DAB1: variants seen among roughly 807,000 people sequenced by gnomAD.
DAB1 encodes DAB adaptor protein 1.
Under a neutral mutation model 64.6 loss-of-function variants are expected in DAB1, and 15 were observed. The observed-to-expected ratio is 0.23, with a 90% CI of 0.16 to 0.36. The LOEUF (loss-of-function observed/expected upper bound fraction) is 0.36, where lower values mean the gene tolerates loss of function less well. Ranked by LOEUF, DAB1 falls within the 10% of genes least tolerant of loss-of-function variation. The pLI, the probability that DAB1 is intolerant of heterozygous loss-of-function variation, is 1.00. For missense variants in DAB1, 596 were observed against 706.7 expected (o/e 0.84, Z 1.78); for synonymous variants, 235 against 251.9 (o/e 0.93, Z 0.64).
At chr1:57,914,385 T>C (rs192729196) in intron 5 of DAB1, among the ~76,000 whole-genome samples, 60 of 132,588 alleles carry the variant, frequency 4.5e-4, no homozygotes, top group African/African-American at 1.6e-3. Flanking sequence ...GGTGAACATT[T>C]GGACACAGGA....
intron 2 of DAB1, among the ~76,000 whole-genome samples, chr1:57,266,986 G>C (rs1184205172): frequency 1.3e-5 from 2 of 152,046 alleles, no homozygotes; most frequent in Non-Finnish European, 2.9e-5. Flanking sequence ...GCTAAATGGT[G>C]GTCCCAAAAA....
At chr1:57,334,196 T>G (rs1676903406) in intron 1 of DAB1, among the ~76,000 whole-genome samples, 3 of 152,314 alleles carry the variant, frequency 2.0e-5, no homozygotes, top group Admixed American at 2.0e-4. Context: ...AAAAGGCCTG[T>G]AATGCTCACG....
chr1:57,008,623 C>A (rs1039890428), intron 14 of DAB1, among the ~76,000 whole-genome samples: 1 of 152,140 alleles, frequency 6.6e-6, no homozygotes, highest in Non-Finnish European at 1.5e-5. Context: ...TATAAAATCA[C>A]AGCAGTGTCA....
intron 4 of DAB1, among the ~76,000 whole-genome samples, chr1:58,276,655 C>G (rs562933845): frequency 7.9e-5 from 12 of 152,246 alleles, no homozygotes; most frequent in African/African-American, 2.6e-4. Context: ...TGGACTTTTA[C>G]CTGGAAGGGT....
chr1:57,728,609 C>CAA (rs35688917), intron 6 of DAB1, among the ~76,000 whole-genome samples: 199 of 150,018 alleles, frequency 1.3e-3, no homozygotes, highest in Middle Eastern at 0.011. Flanking sequence ...AAAACAACAA[C>CAA]AAAAAAAAAC....
At chr1:57,677,422 C>T (rs1006104014) in intron 6 of DAB1, among the ~76,000 whole-genome samples, 62 of 152,276 alleles carry the variant, frequency 4.1e-4, no homozygotes, top group Admixed American at 2.5e-3. Context: ...ACAATGACAA[C>T]GTCCTATAGA....
chr1:57,764,103 C>T (rs550191465), intron 6 of DAB1, among the ~76,000 whole-genome samples: 24 of 152,204 alleles, frequency 1.6e-4, no homozygotes, highest in Admixed American at 1.1e-3. Context: ...ACCAAGGGCA[C>T]AAAGCCAGCC....
intron 4 of DAB1, among the ~76,000 whole-genome samples, chr1:58,329,833 T>C (rs1268838951): frequency 6.6e-6 from 1 of 152,204 alleles, no homozygotes; most frequent in Non-Finnish European, 1.5e-5. Context: ...TCCATAAATA[T>C]GCGTATTCTG....
chr1:57,754,217 G>A (rs550628507), intron 6 of DAB1, among the ~76,000 whole-genome samples: 1 of 152,244 alleles, frequency 6.6e-6, no homozygotes, highest in Admixed American at 6.5e-5. Context: ...CTTTTATGCA[G>A]CTACTACATA....
At chr1:58,542,814 C>T (rs1379558166) in intron 1 of DAB1, among the ~76,000 whole-genome samples, 1 of 152,156 alleles carries the variant, frequency 6.6e-6, no homozygotes, top group Non-Finnish European at 1.5e-5. Flanking sequence ...ACATTCATCC[C>T]TAGCAACCCC....
chr1:58,074,558 A>ATATACATATATATGTG (rs1170950120), intron 5 of DAB1: 25 of 57,590 alleles, frequency 4.3e-4, no homozygotes, highest in African/African-American at 1.5e-3. Flanking sequence ...ACATATATAT[A>ATATACATATATATGTG]TGTGTGTATA....
intron 7 of DAB1, among the ~76,000 whole-genome samples, chr1:57,543,414 C>A (rs1644824487): frequency 6.6e-6 from 1 of 152,148 alleles, no homozygotes; most frequent in Non-Finnish European, 1.5e-5. Context: ...GTCCATCCGA[C>A]TCATTAGTAA....
At chr1:57,089,621 A>G (rs1183400279) in intron 4 of DAB1, among the ~76,000 whole-genome samples, 3 of 152,270 alleles carry the variant, frequency 2.0e-5, no homozygotes, top group Non-Finnish European at 2.9e-5. Flanking sequence ...AGATCTTGCA[A>G]GAAATTACTT....
At chr1:57,408,491 G>T (rs1683842174) in intron 1 of DAB1, among the ~76,000 whole-genome samples, 1 of 152,126 alleles carries the variant, frequency 6.6e-6, no homozygotes. Context: ...CACTAAATGA[G>T]TTACCCAAAA....
intron 2 of DAB1, among the ~76,000 whole-genome samples, chr1:57,263,230 C>T (rs1021767549): frequency 6.6e-6 from 1 of 152,060 alleles, no homozygotes; most frequent in African/African-American, 2.4e-5. Flanking sequence ...ATTCTCCTGC[C>T]TCAGTCACCT....
intron 9 of DAB1, among the ~76,000 whole-genome samples, chr1:57,050,196 A>T (rs1467220908): frequency 6.6e-6 from 1 of 152,164 alleles, no homozygotes; most frequent in South Asian, 2.1e-4. Context: ...ACTACCTGGC[A>T]TGGGATCTGT....
At chr1:58,427,296 T>G (rs1051861308) in intron 3 of DAB1, among the ~76,000 whole-genome samples, 3 of 152,146 alleles carry the variant, frequency 2.0e-5, no homozygotes, top group Non-Finnish European at 1.5e-5. Context: ...GATAGAACCT[T>G]AAGGCCCTCT....
At chr1:57,735,579 T>TAGATGTTC (rs1225191584) in intron 6 of DAB1, among the ~76,000 whole-genome samples, 7 of 150,870 alleles carry the variant, frequency 4.6e-5, no homozygotes, top group African/African-American at 1.7e-4. Context: ...TCCTTTGGGT[T>TAGATGTTC]AGATGTTCAC....
intron 3 of DAB1, chr1:58,473,869 C>T (rs759106896): frequency 1.4e-5 from 10 of 722,184 alleles, no homozygotes; most frequent in Non-Finnish European, 1.1e-5. Flanking sequence ...GTTTCCTTCA[C>T]ATTTCAACTC....
Sources: allele counts gnomAD v4.1 joint callset (sites outside exome capture counted in the v4.1 genomes callset), GRCh38; gene constraint gnomAD v4.1.1; transcripts MANE v1.5; gene names NCBI Gene and HGNC (gene_info 2026-07-23, HGNC 2026-07-21).